Variants in LRRTM4 observed in about 807,000 individuals in gnomAD.
LRRTM4 encodes leucine-rich repeat transmembrane neuronal protein 4.
In LRRTM4, 25 loss-of-function variants were observed where a neutral mutation model predicts 47.6. The observed-to-expected ratio is 0.53, with a 90% CI of 0.38 to 0.73. The LOEUF is 0.73. Among genes scored for constraint, LRRTM4 ranks in the 30% least tolerant of loss-of-function variants. The pLI is 0.00. For missense variants in LRRTM4, 638 were observed against 713.4 expected (o/e 0.89, Z 1.20); for synonymous variants, 311 against 269.5 (o/e 1.15, Z -1.51).
In LRRTM4 at chr2:76,796,048, G is replaced by T. The variant is rs1245406415; in HGVS notation, c.1552-47132C>A. Among the ~76,000 whole-genome samples the T allele has an allele frequency of 2.6e-5, 3 of 117,502 alleles. 1 individual carries two copies. Among genetic ancestry groups the T allele is most frequent in the Admixed American group, 2.4e-4 (3 of 12,306 alleles). The allele number at this position is 117,502 out of a possible 152,430, so 77.1% of individuals were successfully genotyped here. A position where few individuals can be genotyped will look rare whatever the true frequency, so the allele number is the denominator to read the frequency against. ...GTTCCCTTTCTGAGTCAAAGAAAGG[G>T]GTGATGTACTGCACCTGGAAAATCG... is the stretch of plus-strand genomic sequence containing the variant. On this transcript the variant is annotated intron_variant, in intron 3 of 3. Coordinates refer to ENST00000409884, the MANE Select transcript of LRRTM4 (RefSeq NM_001134745.3).
intron 3 of LRRTM4, among the ~76,000 whole-genome samples, chr2:76,912,163 C>T (rs935712137): frequency 6.6e-6 from 1 of 152,114 alleles, no homozygotes; most frequent in African/African-American, 2.4e-5. Flanking sequence ...TTGTGATCCC[C>T]CCGCCTCGGC....
intron 3 of LRRTM4, among the ~76,000 whole-genome samples, chr2:77,123,392 A>G (rs538863813): frequency 2.6e-5 from 4 of 152,222 alleles, no homozygotes; most frequent in East Asian, 3.9e-4. Flanking sequence ...TTACGTAAAA[A>G]CAGAGGAAAC....
At chr2:76,912,179 A>T (rs1054293051) in intron 3 of LRRTM4, among the ~76,000 whole-genome samples, 2 of 152,122 alleles carry the variant, frequency 1.3e-5, no homozygotes, top group Non-Finnish European at 2.9e-5. Flanking sequence ...TCGGCCTCCC[A>T]AAGTGCTAGG....
intron 3 of LRRTM4, among the ~76,000 whole-genome samples, chr2:76,892,030 G>A (rs1030853453): frequency 2.0e-5 from 3 of 151,484 alleles, no homozygotes; most frequent in African/African-American, 7.2e-5. Context: ...GCCTGTATCC[G>A]GTATACTGTG....
chr2:77,360,931 T>G (rs745412305), intron 3 of LRRTM4, among the ~76,000 whole-genome samples: 4 of 152,110 alleles, frequency 2.6e-5, no homozygotes, highest in Admixed American at 6.5e-5. Flanking sequence ...ATTACTGAGC[T>G]TAACTTTCTT....
At chr2:77,090,702 TTCC>T (rs748942577) in intron 3 of LRRTM4, among the ~76,000 whole-genome samples, 35 of 152,214 alleles carry the variant, frequency 2.3e-4, no homozygotes, top group Non-Finnish European at 4.0e-4. Context: ...CAGCCCAGGA[TTCC>T]TCCTAAGTCA....
chr2:76,861,235 T>C (rs949898738), intron 3 of LRRTM4, among the ~76,000 whole-genome samples: 10 of 152,286 alleles, frequency 6.6e-5, no homozygotes, highest in South Asian at 4.1e-4. Flanking sequence ...TTTATGTTCT[T>C]TATATTCATT....
intron 3 of LRRTM4, among the ~76,000 whole-genome samples, chr2:77,049,527 T>C (rs151117801): frequency 1.3e-5 from 2 of 151,962 alleles, no homozygotes; most frequent in Non-Finnish European, 2.9e-5. Context: ...TTTTGATTGG[T>C]ATTTCTCTGA....
chr2:77,030,950 A>C (rs1421181571), intron 3 of LRRTM4, among the ~76,000 whole-genome samples: 1 of 152,188 alleles, frequency 6.6e-6, no homozygotes, highest in Non-Finnish European at 1.5e-5. Flanking sequence ...CTTAATTTGC[A>C]ATGTGTCAAT....
At chr2:76,783,310 A>AAAGGCAAAT (rs774865542) in intron 3 of LRRTM4, among the ~76,000 whole-genome samples, 234 of 152,330 alleles carry the variant, frequency 1.5e-3, no homozygotes, top group South Asian at 3.1e-3. Context: ...ATTTTAAATT[A>AAAGGCAAAT]AAGGCAAATA....
chr2:77,410,308 G>T (rs1674368426), intron 3 of LRRTM4, among the ~76,000 whole-genome samples: 1 of 152,100 alleles, frequency 6.6e-6, no homozygotes, highest in Non-Finnish European at 1.5e-5. Context: ...CACATGAGTA[G>T]GGAGCCAGTT....
chr2:76,903,521 GCAA>G (rs1263807647), intron 3 of LRRTM4, among the ~76,000 whole-genome samples: 1 of 151,718 alleles, frequency 6.6e-6, no homozygotes, highest in Non-Finnish European at 1.5e-5. Context: ...GGGCCACAGA[GCAA>G]GATTCTGTCT....
intron 3 of LRRTM4, among the ~76,000 whole-genome samples, chr2:77,385,639 C>A (rs1362014835): frequency 6.6e-6 from 1 of 151,502 alleles, no homozygotes; most frequent in Non-Finnish European, 1.5e-5. Flanking sequence ...TTGTATTAAT[C>A]TCAAATTTTC....
chr2:77,223,057 G>A (rs552124789), intron 3 of LRRTM4, among the ~76,000 whole-genome samples: 14 of 151,910 alleles, frequency 9.2e-5, no homozygotes, highest in African/African-American at 1.9e-4. Flanking sequence ...TTCAACATAC[G>A]AAAATCAATA....
At chr2:77,495,298 C>T (rs2104058710) in intron 3 of LRRTM4, among the ~76,000 whole-genome samples, 1 of 152,106 alleles carries the variant, frequency 6.6e-6, no homozygotes, top group South Asian at 2.1e-4. Flanking sequence ...GCATCTTTGC[C>T]AATACTTGAT....
chr2:76,943,088 C>T (rs1675205753), intron 3 of LRRTM4, among the ~76,000 whole-genome samples: 1 of 152,120 alleles, frequency 6.6e-6, no homozygotes, highest in Admixed American at 6.5e-5. Flanking sequence ...AACTCTACAT[C>T]GTAGTTTTTA....
At chr2:77,452,788 T>C (rs1049934161) in intron 3 of LRRTM4, among the ~76,000 whole-genome samples, 1 of 152,196 alleles carries the variant, frequency 6.6e-6, no homozygotes, top group African/African-American at 2.4e-5. Flanking sequence ...GGGTCAACAA[T>C]AACTAAAATG....
chr2:77,219,236 G>T (rs1216361759), intron 3 of LRRTM4, among the ~76,000 whole-genome samples: 2 of 152,158 alleles, frequency 1.3e-5, no homozygotes, highest in African/African-American at 2.4e-5. Context: ...ACCTAATCCT[G>T]TGAGAAAAGC....
chr2:77,137,256 A>G (rs1046382108), intron 3 of LRRTM4, among the ~76,000 whole-genome samples: 1 of 151,930 alleles, frequency 6.6e-6, no homozygotes, highest in Non-Finnish European at 1.5e-5. Flanking sequence ...ACAGAAGCCC[A>G]TCAGACTCAC....
Sources: gnomAD v4.1 joint callset for allele counts (sites outside exome capture counted in the v4.1 genomes callset) on GRCh38, gnomAD v4.1.1 for gene constraint, MANE v1.5 for transcripts, NCBI Gene and HGNC (gene_info 2026-07-23, HGNC 2026-07-21) for gene names.